SPIRE1: variants seen among roughly 807,000 people sequenced by gnomAD.
SPIRE1 encodes the protein protein spire homolog 1.
In SPIRE1, 40 loss-of-function variants were observed where a neutral mutation model predicts 94.1. The observed-to-expected ratio is 0.43, with a 90% CI of 0.33 to 0.55. The LOEUF is 0.55. Ranked by LOEUF, SPIRE1 falls within the 20% of genes least tolerant of loss-of-function variation. The probability of loss-of-function intolerance (pLI) is 0.06; values close to 1 mark genes in which losing one functional copy is unlikely to be tolerated. For synonymous variants in SPIRE1, 376 were observed against 371.7 expected (o/e 1.01, Z -0.13); for missense variants, 838 against 975.2 (o/e 0.86, Z 1.87).
chr18:12,555,128 C>T (rs10445428), intron 2 of SPIRE1, among the ~76,000 whole-genome samples: 60,919 of 151,806 alleles, frequency 0.4, 14,338 homozygotes, highest in East Asian at 0.59. Context: ...TTTTAGTTGG[C>T]CATGGAGATG....
chr18:12,472,864 C>T (rs942711539), intron 10 of SPIRE1, among the ~76,000 whole-genome samples: 2 of 152,232 alleles, frequency 1.3e-5, no homozygotes, highest in African/African-American at 2.4e-5. Context: ...GTGATCTTGG[C>T]TCACTGCAAC....
chr18:12,500,711 T>C (rs1402893478), intron 6 of SPIRE1, among the ~76,000 whole-genome samples: 10 of 151,824 alleles, frequency 6.6e-5, no homozygotes, highest in African/African-American at 2.2e-4. Context: ...AAGAATCCAA[T>C]TGGAAAGAAC....
intron 2 of SPIRE1, among the ~76,000 whole-genome samples, chr18:12,549,684 C>T (rs893591572): frequency 3.3e-5 from 5 of 151,632 alleles, no homozygotes; most frequent in African/African-American, 9.7e-5. Flanking sequence ...CTCCTGACCT[C>T]GTGATCCGCC....
At chr18:12,641,651 G>A (rs925660637) in intron 1 of SPIRE1, among the ~76,000 whole-genome samples, 1 of 151,688 alleles carries the variant, frequency 6.6e-6, no homozygotes, top group Non-Finnish European at 1.5e-5. Flanking sequence ...ACAGGCGTGA[G>A]CCACCACACC....
At chr18:12,656,663 T>C in intron 1 of SPIRE1, 1 of 968,932 alleles carries the variant, frequency 1.0e-6, no homozygotes. Context: ...CTCAAAAGAA[T>C]GAATTAGATA....
At chr18:12,651,362 G>A (rs2038373523) in intron 1 of SPIRE1, among the ~76,000 whole-genome samples, 1 of 150,364 alleles carries the variant, frequency 6.7e-6, no homozygotes, top group Non-Finnish European at 1.5e-5. Context: ...TACAGAAAGA[G>A]CAGACCAAAA....
chr18:12,485,617 T>C (rs750553358), intron 9 of SPIRE1, among the ~76,000 whole-genome samples: 4 of 152,196 alleles, frequency 2.6e-5, no homozygotes, highest in Non-Finnish European at 5.9e-5. Flanking sequence ...TTTTTTTCTA[T>C]TCTCTTAGGG....
chr18:12,636,620 G>A (rs2037936447), intron 1 of SPIRE1, among the ~76,000 whole-genome samples: 1 of 151,742 alleles, frequency 6.6e-6, no homozygotes, highest in Non-Finnish European at 1.5e-5. Flanking sequence ...CAGAAAATAA[G>A]GGGCCTTAGG....
chr18:12,496,004 C>A lies in SPIRE1; in HGVS notation c.1059+12G>T, dbSNP rs58991139. The A allele has an allele frequency of 6.3e-7, 1 of 1,581,138 alleles. No homozygotes were observed. Among genetic ancestry groups the A allele is most frequent in the Non-Finnish European group, 8.7e-7 (1 of 1,150,200 alleles). On this transcript the variant is annotated intron_variant, in intron 7 of 16. Coordinates refer to ENST00000409402, the MANE Select transcript of SPIRE1 (RefSeq NM_001128626.2). ...ATATCTCCAATCTAGAGAACTATGTCGAATTACATACTGGATTTAAAGGAG... is the reference window on the plus strand; with the variant it reads ...ATATCTCCAATCTAGAGAACTATGTAGAATTACATACTGGATTTAAAGGAG...
At chr18:12,487,244 T>G (rs1285798573) in intron 8 of SPIRE1, among the ~76,000 whole-genome samples, 2 of 152,198 alleles carry the variant, frequency 1.3e-5, no homozygotes, top group African/African-American at 4.8e-5. Context: ...GAGCCTATTT[T>G]ATAAAATAAA....
At chr18:12,501,470 G>A (rs1452644300) in intron 6 of SPIRE1, among the ~76,000 whole-genome samples, 1 of 152,146 alleles carries the variant, frequency 6.6e-6, no homozygotes, top group Admixed American at 6.5e-5. Context: ...CTGCGACTGC[G>A]CCTCCCGAGT....
chr18:12,631,729 A>G (rs1191060346), intron 2 of SPIRE1, among the ~76,000 whole-genome samples: 3 of 151,992 alleles, frequency 2.0e-5, no homozygotes, highest in Non-Finnish European at 4.4e-5. Context: ...GCCGGGCATC[A>G]TGGCGCACGC....
At position 12,623,741 on chromosome 18, in the gene SPIRE1, G is replaced by C. The variant is rs116935070; in HGVS notation, c.372+11321C>G. Among the ~76,000 whole-genome samples, 1,137 of 152,196 alleles carry C rather than the reference G, an allele frequency of 7.5e-3. 7 individuals are homozygous for C. The highest frequency in any genetic ancestry group is 0.012 in the Non-Finnish European group (838 of 68,022). On this transcript the variant is annotated intron_variant, in intron 2 of 16. Coordinates refer to ENST00000409402, the MANE Select transcript of SPIRE1 (RefSeq NM_001128626.2). ...CCTCCCAGGTTGAATCAATTCTCTT[G>C]TCTCAGCCTCCCAAGTAGCTGGGAT... is the stretch of plus-strand genomic sequence containing the variant.
At chr18:12,525,256 G>A (rs1368930062) in intron 4 of SPIRE1, among the ~76,000 whole-genome samples, 2 of 111,194 alleles carry the variant, frequency 1.8e-5, no homozygotes, top group Admixed American at 1.3e-4. Context: ...CAGCCTGGGC[G>A]ACAGAGTGAG....
At position 12,535,536 on chromosome 18, in the gene SPIRE1, T is replaced by C; in HGVS notation, c.669A>G (p.Ala223=). The change falls in exon 4 of 17, where the codon GCA becomes GCG. Residue 223 remains alanine, a synonymous_variant. Transcript: ENST00000409402. The part of the protein sequence containing the change: ...APNHYQAVCR[A]LFAETMELHT... Reference sequence around the variant, plus strand: ...GGAGCTCCATTGTTTCTGCAAACAGTGCACGACATACTGCCTGATAATGAT... The same window carrying C: ...GGAGCTCCATTGTTTCTGCAAACAGCGCACGACATACTGCCTGATAATGAT... The C allele has an allele frequency of 6.2e-7, 1 of 1,613,640 alleles. No individual in the cohort carries two copies. The highest frequency in any genetic ancestry group is 8.5e-7 in the Non-Finnish European group (1 of 1,179,594).
At chr18:12,635,641 A>G (rs2037901795) in intron 1 of SPIRE1, among the ~76,000 whole-genome samples, 1 of 152,188 alleles carries the variant, frequency 6.6e-6, no homozygotes, top group Non-Finnish European at 1.5e-5. Context: ...AGGCTCACTT[A>G]AAGAATAATT....
chr18:12,537,548 A>G (rs2034877351), intron 3 of SPIRE1, among the ~76,000 whole-genome samples: 1 of 152,240 alleles, frequency 6.6e-6, no homozygotes, highest in African/African-American at 2.4e-5. Flanking sequence ...AACTTTAAAA[A>G]CACTGGTGTA....
chr18:12,573,561 T>C (rs1364092602), intron 2 of SPIRE1, among the ~76,000 whole-genome samples: 1 of 152,132 alleles, frequency 6.6e-6, no homozygotes, highest in African/African-American at 2.4e-5. Flanking sequence ...TGTCCCTCAA[T>C]AGGTGAATGG....
At chr18:12,577,216 C>T (rs971067423) in intron 2 of SPIRE1, among the ~76,000 whole-genome samples, 19 of 148,652 alleles carry the variant, frequency 1.3e-4, no homozygotes, top group Admixed American at 8.7e-4. Context: ...GGTGCAATCT[C>T]GGCTCACTGC....
Sources: gnomAD v4.1 joint callset for allele counts (sites outside exome capture counted in the v4.1 genomes callset) on GRCh38, gnomAD v4.1.1 for gene constraint, MANE v1.5 for transcripts, NCBI Gene and HGNC (gene_info 2026-07-23, HGNC 2026-07-21) for gene names.